The following SP100 variants were observed in gnomAD, a reference collection of about 807,000 sequenced individuals.
SP100 encodes SP100 nuclear body protein.
Under a neutral mutation model 130.0 loss-of-function variants are expected in SP100, and 84 were observed. That is an observed-to-expected ratio of 0.65 (90% CI 0.54 to 0.77). The LOEUF (loss-of-function observed/expected upper bound fraction) is 0.77, where lower values mean the gene tolerates loss of function less well. Ranked by LOEUF, SP100 falls within the 30% of genes least tolerant of loss-of-function variation. The pLI is 0.00. For missense variants in SP100, 978 were observed against 1,052.2 expected, an observed-to-expected ratio of 0.93 and a Z score of 0.97; for synonymous variants, 331 against 351.7, an observed-to-expected ratio of 0.94 and a Z score of 0.66.
chr2:230,524,614 A>C (rs1318639659), intron 24 of SP100, among the ~76,000 whole-genome samples: 3 of 152,194 alleles, frequency 2.0e-5, no homozygotes, highest in African/African-American at 7.2e-5. Flanking sequence ...ACTACTAAAA[A>C]TAAATAAAAT....
chr2:230,535,195 C>A (rs1284187959), intron 24 of SP100, among the ~76,000 whole-genome samples: 16 of 145,850 alleles, frequency 1.1e-4, no homozygotes, highest in Admixed American at 6.8e-5. Flanking sequence ...GACTCCATCT[C>A]AAAAAAAAAA....
intron 24 of SP100, 40 bp from the exon 25 acceptor site, chr2:230,539,227 G>A (rs751617079): frequency 7.9e-7 from 1 of 1,273,764 alleles, no homozygotes; most frequent in Non-Finnish European, 1.1e-6. Context: ...GGGTCCAAGG[G>A]TCTCACTGAT....
chr2:230,437,527 T>C (rs1054462290), intron 2 of SP100, among the ~76,000 whole-genome samples: 4 of 152,142 alleles, frequency 2.6e-5, no homozygotes, highest in African/African-American at 7.2e-5. Flanking sequence ...TTGAGAAATA[T>C]GTGTTCTCTG....
intron 18 of SP100, among the ~76,000 whole-genome samples, chr2:230,496,923 GT>G (rs2066701323): frequency 6.6e-6 from 1 of 152,208 alleles, no homozygotes; most frequent in African/African-American, 2.4e-5. Context: ...CTAGGATTGA[GT>G]CTATAAATGT....
chr2:230,541,794 G>A (rs1354016128), intron 27 of SP100, 98 bp from the exon 28 acceptor site: 1 of 1,331,032 alleles, frequency 7.5e-7, no homozygotes, highest in African/African-American at 1.5e-5. Context: ...TTAGGATTTT[G>A]ACCTATGGAT....
In SP100 at chr2:230,540,954, A is replaced by T; in HGVS notation, c.2289A>T (p.Glu763Asp). Residue 763 changes from glutamate to aspartate, a missense_variant, in exon 26 of 29, where the codon GAA becomes GAT. Transcript: ENST00000340126. ...CAGAAAGCCAATCAGGTCATCAGGA[A>T]TCTGAAGTCCTGATGAGGCAGATGC... Reference protein sequence around the residue: ...RCPESQSGHQESEVLMRQMLP... With the variant: ...RCPESQSGHQDSEVLMRQMLP... The T allele has an allele frequency of 6.2e-7, 1 of 1,613,418 alleles. No homozygotes were observed. Among genetic ancestry groups the T allele is most frequent in the African/African-American group, 1.3e-5 (1 of 75,020 alleles).
At chr2:230,480,659 G>C (rs888615302) in intron 17 of SP100, among the ~76,000 whole-genome samples, 2 of 152,128 alleles carry the variant, frequency 1.3e-5, no homozygotes, top group Non-Finnish European at 2.9e-5. Flanking sequence ...TGCTGGAAGG[G>C]GAGGCAAATC....
rs1692274828 is a variant in SP100 at position 230,545,235 on chromosome 2, T to C, written c.*2289T>C. Among the ~76,000 whole-genome samples, 1 of 152,218 alleles carries C rather than the reference T, an allele frequency of 6.6e-6. No individual in the cohort carries two copies. The highest frequency in any genetic ancestry group is 1.5e-5 in the Non-Finnish European group (1 of 68,034). On this transcript the variant is annotated 3_prime_UTR_variant, in exon 29 of 29. Transcript: ENST00000340126. ...AAGAAAATATGGTACACATACACCA[T>C]GGAATAGTATGCAGCCATAAGAAAC...
intron 17 of SP100, among the ~76,000 whole-genome samples, chr2:230,480,987 G>T (rs2065803992): frequency 1.3e-5 from 2 of 151,384 alleles, no homozygotes; most frequent in Non-Finnish European, 1.5e-5. Context: ...CTGGTCATTT[G>T]CTGGTGATGT....
chr2:230,520,558 G>A (rs1472193390), intron 24 of SP100: 1 of 152,186 alleles, frequency 6.6e-6, no homozygotes, highest in Non-Finnish European at 1.5e-5. Flanking sequence ...TCCAAGTTCA[G>A]GAACACAATG....
intron 17 of SP100, among the ~76,000 whole-genome samples, chr2:230,491,536 G>A (rs932447343): frequency 2.0e-5 from 3 of 152,204 alleles, no homozygotes; most frequent in Non-Finnish European, 2.9e-5. Context: ...GGAGAAGCAT[G>A]GCCTGGAGCT....
chr2:230,521,569 G>C (rs1206708728), intron 24 of SP100, among the ~76,000 whole-genome samples: 1 of 152,072 alleles, frequency 6.6e-6, no homozygotes, highest in African/African-American at 2.4e-5. Context: ...CCATCTCCTT[G>C]GCTGCAGCAC....
chr2:230,448,365 A>G (rs1254483687), intron 5 of SP100, among the ~76,000 whole-genome samples: 1 of 152,210 alleles, frequency 6.6e-6, no homozygotes, highest in South Asian at 2.1e-4. Flanking sequence ...CGGTTGGTTT[A>G]ATGCTCATGA....
At chr2:230,424,253 G>A (rs919116207) in intron 2 of SP100, among the ~76,000 whole-genome samples, 2 of 152,168 alleles carry the variant, frequency 1.3e-5, no homozygotes, top group African/African-American at 4.8e-5. Flanking sequence ...CAGAGCAAAA[G>A]CAAATACACA....
intron 2 of SP100, among the ~76,000 whole-genome samples, chr2:230,429,220 A>G (rs1046506333): frequency 6.6e-6 from 1 of 152,184 alleles, no homozygotes; most frequent in Non-Finnish European, 1.5e-5. Context: ...TTTACCAGGT[A>G]TAACATTCTT....
chr2:230,445,420 T>G (rs1267324540), intron 4 of SP100, among the ~76,000 whole-genome samples: 1 of 152,196 alleles, frequency 6.6e-6, no homozygotes, highest in Non-Finnish European at 1.5e-5. Flanking sequence ...TGAGAAGCAG[T>G]ATACAAGTTG....
At chr2:230,446,274 A>T (rs11677269) in intron 4 of SP100, among the ~76,000 whole-genome samples, 23,306 of 151,820 alleles carry the variant, frequency 0.15, 1,984 homozygotes, top group Non-Finnish European at 0.19. Context: ...ACATCCAGCT[A>T]ATTTTATTTT....
intron 17 of SP100, among the ~76,000 whole-genome samples, chr2:230,479,068 G>A (rs1447876888): frequency 6.6e-6 from 1 of 152,158 alleles, no homozygotes; most frequent in African/African-American, 2.4e-5. Context: ...TGATCCACCC[G>A]CCTTGGCTTC....
intron 11 of SP100, 97 bp from the exon 12 acceptor site, chr2:230,466,204 C>G: frequency 5.0e-6 from 1 of 198,622 alleles, no homozygotes; most frequent in Non-Finnish European, 9.3e-6. Context: ...AAAAAAAAAA[C>G]TTTGTTATTA....
Sources: allele counts gnomAD v4.1 joint callset (sites outside exome capture counted in the v4.1 genomes callset), GRCh38; gene constraint gnomAD v4.1.1; transcripts MANE v1.5; gene names NCBI Gene and HGNC (gene_info 2026-07-23, HGNC 2026-07-21).